Variants in STARD13 observed in about 807,000 individuals in gnomAD.
STARD13 encodes the protein StAR related lipid transfer domain containing 13, also known as stAR-related lipid transfer protein 13.
STARD13 carries 62 observed loss-of-function variants against 106.4 expected under a neutral mutation model. The ratio of observed to expected loss-of-function variants is 0.58; its 90% CI spans 0.48 to 0.72. The LOEUF (loss-of-function observed/expected upper bound fraction) is 0.72, where lower values mean the gene tolerates loss of function less well. Ranked by LOEUF, STARD13 falls within the 30% of genes least tolerant of loss-of-function variation. The probability of loss-of-function intolerance (pLI) is 0.00; values close to 1 mark genes in which losing one functional copy is unlikely to be tolerated. For synonymous variants in STARD13, 565 were observed against 553.0 expected (o/e 1.02, Z -0.31); for missense variants, 1,387 against 1,424.0 (o/e 0.97, Z 0.42).
At chr13:33,146,837 C>A (rs2138258139) in intron 3 of STARD13, among the ~76,000 whole-genome samples, 1 of 152,194 alleles carries the variant, frequency 6.6e-6, no homozygotes, top group African/African-American at 2.4e-5. Flanking sequence ...ACATTCAAAC[C>A]CACCCTATTC....
upstream of STARD13, among the ~76,000 whole-genome samples, chr13:33,352,548 C>T (rs1594298590): frequency 6.6e-6 from 1 of 152,188 alleles, no homozygotes; most frequent in South Asian, 2.1e-4. Flanking sequence ...CCTTAAATGA[C>T]TAATTTGAAG....
chr13:33,547,870 A>C, the STARD13 span, among the ~76,000 whole-genome samples: 1 of 152,228 alleles, frequency 6.6e-6, no homozygotes, highest in Non-Finnish European at 1.5e-5. Flanking sequence ...ACATATTCAT[A>C]AGAATCTTAG....
chr13:33,561,107 A>G, the STARD13 span, among the ~76,000 whole-genome samples: 14 of 151,480 alleles, frequency 9.2e-5, no homozygotes, highest in African/African-American at 3.2e-4. Context: ...TTAGTTTTGT[A>G]TAAAAATTCA....
chr13:33,190,588 C>CTTTTTTTT (rs71196510), intron 1 of STARD13, among the ~76,000 whole-genome samples: 1 of 131,206 alleles, frequency 7.6e-6, no homozygotes, highest in Non-Finnish European at 1.6e-5. Context: ...CTTTTCTTTT[C>CTTTTTTTT]TTTTTTTTTT....
At position 33,242,574 on chromosome 13, in the gene STARD13, C is replaced by T. The variant is rs1889583524; in HGVS notation, c.169+42896G>A. On this transcript the variant is annotated intron_variant, in intron 1 of 13. Transcript: ENST00000336934. Reference sequence around the variant, plus strand: ...CAGCATACTCCTTAAGAGTCATCACCACTCCCTAATCTCAAGTACCCAGGG... The same window carrying T: ...CAGCATACTCCTTAAGAGTCATCACTACTCCCTAATCTCAAGTACCCAGGG... Among the ~76,000 whole-genome samples, 2 of 151,972 alleles carry T rather than the reference C, an allele frequency of 1.3e-5. 1 individual carries two copies. The highest frequency in any genetic ancestry group is 4.2e-4 in the South Asian group (2 of 4,814).
At chr13:33,111,693 A>C in intron 10 of STARD13, 85 bp downstream of exon 10, 1 of 832,906 alleles carries the variant, frequency 1.2e-6, no homozygotes, top group Non-Finnish European at 2.0e-6. Context: ...AAACAGATAG[A>C]AACCATAAAT....
chr13:33,164,834 C>T (rs1228443753), intron 3 of STARD13, among the ~76,000 whole-genome samples: 2 of 152,126 alleles, frequency 1.3e-5, no homozygotes, highest in Non-Finnish European at 2.9e-5. Context: ...GCTACAATTA[C>T]TTGAGTTCAT....
At chr13:33,306,488 A>G (rs1156828976) in intron 1 of STARD13, among the ~76,000 whole-genome samples, 2 of 152,262 alleles carry the variant, frequency 1.3e-5, no homozygotes, top group Non-Finnish European at 2.9e-5. Flanking sequence ...GTATCTAATT[A>G]AACTAAAGAG....
chr13:33,432,993 A>G, the STARD13 span, among the ~76,000 whole-genome samples: 1 of 152,210 alleles, frequency 6.6e-6, no homozygotes, highest in Admixed American at 6.5e-5. Flanking sequence ...GACAGATAAA[A>G]TCATGTTATT....
the STARD13 span, among the ~76,000 whole-genome samples, chr13:33,661,005 A>G: frequency 8.5e-5 from 13 of 152,244 alleles, 1 homozygote; most frequent in East Asian, 1.2e-3. Context: ...TTTTATAAAT[A>G]GATTCCATGT....
At chr13:33,537,652 G>A in the STARD13 span, among the ~76,000 whole-genome samples, 36 of 151,936 alleles carry the variant, frequency 2.4e-4, no homozygotes, top group Non-Finnish European at 2.9e-4. Flanking sequence ...ATCCACTCTC[G>A]GGCTTGGCCG....
the STARD13 span, among the ~76,000 whole-genome samples, chr13:33,555,146 C>A: frequency 6.6e-5 from 10 of 152,286 alleles, no homozygotes; most frequent in African/African-American, 2.2e-4. Flanking sequence ...TGTTTAAGGT[C>A]ATATGTAACT....
chr13:33,364,226 G>A, the STARD13 span, among the ~76,000 whole-genome samples: 1,574 of 152,164 alleles, frequency 0.01, 11 homozygotes, highest in Middle Eastern at 0.048. Context: ...AGCATTTTGG[G>A]AGGCCAAGCC....
intron 1 of STARD13, among the ~76,000 whole-genome samples, chr13:33,171,784 G>A (rs1208751642): frequency 2.0e-5 from 3 of 152,242 alleles, no homozygotes; most frequent in African/African-American, 7.2e-5. Context: ...AGTGGTTGGT[G>A]TGGTGCTACC....
Position 33,185,509 on chromosome 13 carries a change from C to T in STARD13, c.170-17887G>A, listed in dbSNP as rs73459224. ...CTCTCCAAAGAAAAATCCAAATTTCCGAGGACACTATGAAATTCTTAAGCT... is the reference window on the plus strand; with the variant it reads ...CTCTCCAAAGAAAAATCCAAATTTCTGAGGACACTATGAAATTCTTAAGCT... On this transcript the variant is annotated intron_variant, in intron 1 of 13. Transcript: ENST00000336934. Among the ~76,000 whole-genome samples, 1,485 of 152,172 alleles carry T rather than the reference C, an allele frequency of 9.8e-3. 26 individuals carry two copies. The highest frequency in any genetic ancestry group is 0.034 in the African/African-American group (1,404 of 41,508).
In STARD13 at chr13:33,246,235, T is replaced by A. The variant is rs1594160439; in HGVS notation, c.169+39235A>T. Among the ~76,000 whole-genome samples, 3 of 152,046 alleles carry A rather than the reference T, an allele frequency of 2.0e-5. No individual in the cohort carries two copies. The South Asian group carries it at 6.2e-4, about 31-fold the overall frequency. ...TTAAGACATGCGCATCAAAGAGAGG[T>A]AAGGAGAAGTGACTTAAGATGAATA... On this transcript the variant is annotated intron_variant, in intron 1 of 13. Transcript: ENST00000336934.
intron 4 of STARD13, chr13:33,138,827 A>G (rs140228179): frequency 1.7e-5 from 8 of 472,740 alleles, no homozygotes; most frequent in African/African-American, 1.2e-4. Flanking sequence ...GAGGCAGGGA[A>G]GGTCATCTCG....
the STARD13 span, among the ~76,000 whole-genome samples, chr13:33,642,397 G>A: frequency 6.9e-3 from 1,052 of 152,322 alleles, 11 homozygotes; most frequent in African/African-American, 0.024. Flanking sequence ...AAAAGTTGGT[G>A]GGCCTGGAGC....
the STARD13 span, among the ~76,000 whole-genome samples, chr13:33,438,665 G>T: frequency 6.6e-6 from 1 of 152,202 alleles, no homozygotes; most frequent in African/African-American, 2.4e-5. Context: ...TTTGCCTGGA[G>T]GCCCAGTGTA....
Sources: allele counts gnomAD v4.1 joint callset (sites outside exome capture counted in the v4.1 genomes callset), GRCh38; gene constraint gnomAD v4.1.1; transcripts MANE v1.5; gene names NCBI Gene and HGNC (gene_info 2026-07-23, HGNC 2026-07-21).